Variants in ZBP1 observed in about 807,000 individuals in gnomAD.
ZBP1 encodes the protein Z-DNA binding protein 1, also known as Z-DNA-binding protein 1.
A neutral mutation model predicts 41.1 loss-of-function variants in ZBP1; 42 were observed. The observed-to-expected ratio is 1.02, with a 90% CI of 0.80 to 1.32. ZBP1 has a LOEUF of 1.32. ZBP1 is among the 40% of genes most tolerant of loss of function. ZBP1 has a pLI of 0.00. For synonymous variants in ZBP1, 214 were observed against 205.2 expected (o/e 1.04, Z -0.37); for missense variants, 562 against 549.7 (o/e 1.02, Z -0.22).
At chr20:57,615,110 T>C in intron 3 of ZBP1, 50 bp from the exon 4 acceptor site, 1 of 1,599,582 alleles carries the variant, frequency 6.3e-7, no homozygotes, top group Non-Finnish European at 8.6e-7. Context: ...AGGGTTTGCA[T>C]CTGCCCCACC....
At chr20:57,611,684 C>A (rs2070675888) in intron 6 of ZBP1, 43 bp downstream of exon 6, 1 of 1,570,148 alleles carries the variant, frequency 6.4e-7, no homozygotes, top group Non-Finnish European at 8.7e-7. Flanking sequence ...AGTGAGGACC[C>A]ACGGGGTGGC....
At chr20:57,607,753 G>A (rs2070532894) in intron 7 of ZBP1, among the ~76,000 whole-genome samples, 2 of 152,318 alleles carry the variant, frequency 1.3e-5, no homozygotes, top group South Asian at 4.1e-4. Flanking sequence ...ATCAAGGCAA[G>A]ACCTCCACCA....
At position 57,615,952 on chromosome 20, in the gene ZBP1, A is replaced by G. The variant is rs112319726; in HGVS notation, c.259+292T>C. 2,441 of 552,146 alleles carry G rather than the reference A, an allele frequency of 4.4e-3. 35 individuals carry two copies. The highest frequency in any genetic ancestry group is 0.04 in the African/African-American group (2,099 of 53,074). 34.2% of individuals were successfully genotyped at this position (552,146 alleles called of 1,614,324 possible). ...GTTCTGTGATTGGGACCATGGCGTC[A>G]TTGCTGTCTCCATCATGATGATTTT... is the stretch of plus-strand genomic sequence containing the variant. On this transcript the variant is annotated intron_variant, in intron 2 of 7. Coordinates refer to ENST00000371173, the MANE Select transcript of ZBP1 (RefSeq NM_030776.3).
chr20:57,615,089 G>C, intron 3 of ZBP1, 29 bp from the exon 4 acceptor site: 1 of 1,613,030 alleles, frequency 6.2e-7, no homozygotes, highest in Non-Finnish European at 8.5e-7. Flanking sequence ...AGGTGGTTAG[G>C]GAGTAGTCCT....
chr20:57,612,023 T>C (rs1463894746), intron 5 of ZBP1, 93 bp from the exon 6 acceptor site: 6 of 1,344,964 alleles, frequency 4.5e-6, no homozygotes. Context: ...TCTGAATTCT[T>C]CCTGGACACC....
intron 7 of ZBP1, chr20:57,607,312 G>T: frequency 7.8e-7 from 1 of 1,290,034 alleles, no homozygotes; most frequent in Non-Finnish European, 1.0e-6. Flanking sequence ...TGCAAATGTG[G>T]TGGAAATAGC....
rs984156898 is a variant in ZBP1, at chr20:57,604,311, G to T, written c.*262C>A. ...GAGTCCCCTGGGCCTGGGGGACCGA[G>T]CCCCACTCCCATCTACCCACCTCCT... On this transcript the variant is annotated 3_prime_UTR_variant, in exon 8 of 8. Coordinates refer to ENST00000371173, the MANE Select transcript of ZBP1 (RefSeq NM_030776.3). The T allele has an allele frequency of 9.1e-5, 57 of 626,132 alleles. No homozygotes were observed. The East Asian group carries it at 1.8e-3, about 20-fold the overall frequency. The allele number at this position is 626,132 out of a possible 1,614,324, so 38.8% of individuals were successfully genotyped here. A position where few individuals can be genotyped will look rare whatever the true frequency, so the allele number is the denominator to read the frequency against.
intron 3 of ZBP1, 57 bp from the exon 4 acceptor site, chr20:57,615,117 C>T: frequency 6.9e-6 from 11 of 1,586,936 alleles, no homozygotes; most frequent in Non-Finnish European, 9.5e-6. Flanking sequence ...GCATCTGCCC[C>T]ACCGCTTCCT....
In ZBP1 at chr20:57,620,217, A is replaced by ACC. The variant is rs758612250; in HGVS notation, c.34+43_34+44dup. On this transcript the variant is annotated intron_variant, in intron 1 of 7. Transcript: ENST00000371173. ...AGGAGGAAAGAGAAGTAGAAATCTC[A>ACC]CCCCGGGAGCTACCGCTGGTCCTTG... 94 of 1,557,948 alleles carry ACC rather than the reference A, an allele frequency of 6.0e-5. 1 individual carries two copies. The South Asian group carries it at 9.9e-4, about 16-fold the overall frequency.
At chr20:57,609,481 A>G (rs1370656633) in intron 7 of ZBP1, among the ~76,000 whole-genome samples, 1 of 152,098 alleles carries the variant, frequency 6.6e-6, no homozygotes, top group African/African-American at 2.4e-5. Flanking sequence ...AACAGCACAG[A>G]TGCAGTGGGT....
intron 1 of ZBP1, among the ~76,000 whole-genome samples, chr20:57,620,009 GT>G (rs2070960842): frequency 6.6e-6 from 1 of 152,068 alleles, no homozygotes; most frequent in Non-Finnish European, 1.5e-5. Flanking sequence ...GTTAATTTTT[GT>G]AATTTTAGTA....
At chr20:57,614,727 C>T (rs2070770217) in intron 4 of ZBP1, among the ~76,000 whole-genome samples, 160 bp downstream of exon 4, 1 of 152,214 alleles carries the variant, frequency 6.6e-6, no homozygotes, top group African/African-American at 2.4e-5. Context: ...CTTGCCAGCA[C>T]ACCCCTTCCT....
In ZBP1 at chr20:57,604,699, G is replaced by C; in HGVS notation, c.1164C>G (p.Ser388Arg). The change falls in exon 8 of 8, where the codon AGC becomes AGG. Residue 388 changes from serine to arginine, a missense_variant. Ser to Arg is a moderately radical substitution (Grantham distance 110). Transcript: ENST00000371173. ...CCAGCTTGGGGGTGAGCTTCGAGTG[G>C]CTGGGAGTGATGGGCTGACCAATGT... is the stretch of plus-strand genomic sequence containing the variant. ...PRDIGQPITP[S>R]HSKLTPKLET... is the part of the protein sequence containing the mutation. 1.9e-6 allele frequency: 3 copies of C among 1,614,178 alleles called. No individual in the cohort carries two copies. Among genetic ancestry groups the C allele is most frequent in the Non-Finnish European group, 2.5e-6 (3 of 1,180,042 alleles).
At position 57,616,487 on chromosome 20, in the gene ZBP1, G is replaced by A. The variant is rs377732862; in HGVS notation, c.35-19C>T. 1.1e-5 allele frequency: 18 copies of A among 1,611,560 alleles called. No individual in the cohort carries two copies. The highest frequency in any genetic ancestry group is 1.4e-5 in the Non-Finnish European group (16 of 1,179,496). On this transcript the variant is annotated intron_variant, in intron 1 of 7. Coordinates refer to ENST00000371173, the MANE Select transcript of ZBP1 (RefSeq NM_030776.3). ...AGGTGGCCTGGGGGAGCGAGCGGGG[G>A]ACAGAGAGGGGAACTGAGTCTCCCA... is the stretch of plus-strand genomic sequence containing the variant.
Position 57,611,750 on chromosome 20 carries a change from T to A in ZBP1, c.851A>T (p.His284Leu). ...LHGVPSEGPAHIPPGSPPVSA... is the reference protein window; with the variant it reads ...LHGVPSEGPALIPPGSPPVSA... ...ACCTGGGGGGCTGCCAGGGGGGATG[T>A]GGGCAGGGCCCTCGGACGGGACGCC... The change falls in exon 6 of 8, where the codon CAC becomes CTC. Residue 284 changes from histidine to leucine, a missense_variant. Transcript: ENST00000371173. The A allele has an allele frequency of 6.2e-7, 1 of 1,611,616 alleles. No individual in the cohort carries two copies.
chr20:57,619,302 A>G (rs1276989506), intron 1 of ZBP1, among the ~76,000 whole-genome samples: 1 of 152,172 alleles, frequency 6.6e-6, no homozygotes, highest in Non-Finnish European at 1.5e-5. Context: ...AGCCCTGCCA[A>G]CTACTAGCTG....
At chr20:57,616,201 G>A (rs763421391) in intron 2 of ZBP1, 43 bp downstream of exon 2, 1 of 1,574,076 alleles carries the variant, frequency 6.4e-7, no homozygotes, top group East Asian at 2.2e-5. Flanking sequence ...TTGCCAGGAT[G>A]CTCCCTGCAG....
intron 1 of ZBP1, chr20:57,616,755 A>C (rs2070846549): frequency 4.2e-6 from 2 of 470,986 alleles, no homozygotes; most frequent in Admixed American, 6.8e-5. Context: ...TCCAGAGGGC[A>C]GTGGGGTTCC....
intron 2 of ZBP1, 25 bp downstream of exon 2, chr20:57,616,218 AC>A: frequency 1.2e-6 from 2 of 1,611,306 alleles, no homozygotes; most frequent in South Asian, 2.2e-5. Flanking sequence ...GCAGGGTCAG[AC>A]CCGCCTCCCC....
Sources: gnomAD v4.1 joint callset for allele counts (sites outside exome capture counted in the v4.1 genomes callset) on GRCh38, gnomAD v4.1.1 for gene constraint, MANE v1.5 for transcripts, NCBI Gene and HGNC (gene_info 2026-07-23, HGNC 2026-07-21) for gene names.